The following TMTC3 variants were observed in gnomAD, a reference collection of about 807,000 sequenced individuals.
TMTC3 encodes the protein protein O-mannosyl-transferase TMTC3.
Under a neutral mutation model 92.2 loss-of-function variants are expected in TMTC3, and 52 were observed. That is an observed-to-expected ratio of 0.56 (90% CI 0.45 to 0.71). TMTC3 has a LOEUF of 0.71. Among genes scored for constraint, TMTC3 ranks in the 30% least tolerant of loss-of-function variants. The pLI, the probability that TMTC3 is intolerant of heterozygous loss-of-function variation, is 0.00. For missense variants in TMTC3, 896 were observed against 1,057.1 expected, an observed-to-expected ratio of 0.85 and a Z score of 2.11; for synonymous variants, 339 against 363.3, an observed-to-expected ratio of 0.93 and a Z score of 0.76.
At chr12:88,156,884 A>AT (rs939890956) in intron 4 of TMTC3, among the ~76,000 whole-genome samples, 2 of 132,978 alleles carry the variant, frequency 1.5e-5, no homozygotes, top group Non-Finnish European at 3.3e-5. Context: ...TCTAGGGTTG[A>AT]TTTTTGGGGA....
Position 88,199,376 on chromosome 12 carries a change from G to T in TMTC3, c.*3727G>T, listed in dbSNP as rs1051070733. The T allele has an allele frequency of 6.7e-6, 1 of 149,214 alleles. No homozygotes were observed. Among genetic ancestry groups the T allele is most frequent in the Non-Finnish European group, 1.5e-5 (1 of 67,816 alleles). 9.2% of individuals were successfully genotyped at this position (149,214 alleles called of 1,614,324 possible). On this transcript the variant is annotated 3_prime_UTR_variant, in exon 14 of 14. Transcript: ENST00000266712. ...GTGAAGAGGATTTATATATTTATAT[G>T]ATATATTGTATATATTAATATATTT...
chr12:88,155,017 A>G (rs776660938), intron 4 of TMTC3, among the ~76,000 whole-genome samples: 8 of 152,220 alleles, frequency 5.3e-5, no homozygotes, highest in Non-Finnish European at 1.2e-4. Context: ...CAAGGTACTC[A>G]TGACAAGAAG....
chr12:88,173,054 TA>T, intron 8 of TMTC3: 1 of 1,313,848 alleles, frequency 7.6e-7, no homozygotes, highest in Non-Finnish European at 9.9e-7. Flanking sequence ...GCCACTTCCA[TA>T]TTCAGTGAAC....
In TMTC3 at chr12:88,160,845, T is replaced by G. The variant is rs753670426; in HGVS notation, c.791T>G (p.Phe264Cys). 1 of 1,591,414 alleles carries G rather than the reference T, an allele frequency of 6.3e-7. No homozygotes were observed. Among genetic ancestry groups the G allele is most frequent in the Admixed American group, 1.8e-5 (1 of 56,070 alleles). ...GTTATTCAATCCCAACTTCCAGTAT[T>G]CACCAGGTATGAAATTCTGGTTCTT... The part of the protein sequence containing the change: ...VQVIQSQLPV[F>C]TRFDNPAAVS... Residue 264 changes from phenylalanine to cysteine, a missense_variant, in exon 6 of 14, where the codon TTC (phenylalanine) becomes TGC (cysteine). By Grantham distance (205) the Phe-to-Cys change is radical (BLOSUM62 -2). Transcript: ENST00000266712.
At position 88,190,496 on chromosome 12, in the gene TMTC3, A is replaced by G. The variant is rs1253532977; in HGVS notation, c.1580A>G (p.His527Arg). Residue 527 changes from histidine to arginine, a missense_variant, in exon 12 of 14, where the codon CAC becomes CGC. His to Arg is a conservative substitution (Grantham distance 29). Transcript: ENST00000266712. Reference protein sequence around the residue: ...KKYAARIAPNHLNVYINLANL... With the variant: ...KKYAARIAPNRLNVYINLANL... ...TATGCAGCCAGAATTGCCCCTAACCACCTAAATGTTTATATCAATCTGGCT... is the reference window on the plus strand; with the variant it reads ...TATGCAGCCAGAATTGCCCCTAACCGCCTAAATGTTTATATCAATCTGGCT... 6.2e-7 allele frequency: 1 copy of G among 1,613,606 alleles called. No individual in the cohort carries two copies. Among genetic ancestry groups the G allele is most frequent in the Non-Finnish European group, 8.5e-7 (1 of 1,179,804 alleles).
chr12:88,176,481 A>G (rs2138414560), intron 10 of TMTC3, among the ~76,000 whole-genome samples, 162 bp downstream of exon 10: 1 of 152,298 alleles, frequency 6.6e-6, no homozygotes, highest in Non-Finnish European at 1.5e-5. Context: ...CAGCCACTTA[A>G]TATCAGACTC....
At chr12:88,194,812 AT>A in intron 13 of TMTC3, 25 bp from the exon 14 acceptor site, 1 of 1,405,402 alleles carries the variant, frequency 7.1e-7, no homozygotes, top group Admixed American at 2.4e-5. Flanking sequence ...TTAACAATAT[AT>A]TTTTTCTTTA....
intron 10 of TMTC3, among the ~76,000 whole-genome samples, chr12:88,187,888 A>G (rs2041396872): frequency 6.6e-6 from 1 of 152,154 alleles, no homozygotes; most frequent in Non-Finnish European, 1.5e-5. Context: ...TCCTTCTATC[A>G]TTATTCCAAA....
At chr12:88,159,945 G>A (rs539723997) in intron 4 of TMTC3, among the ~76,000 whole-genome samples, 169 bp from the exon 5 acceptor site, 1 of 152,008 alleles carries the variant, frequency 6.6e-6, no homozygotes, top group East Asian at 1.9e-4. Context: ...ATTTTGCTTT[G>A]AATGTATAAA....
chr12:88,166,895 A>G (rs2041149480), intron 7 of TMTC3, among the ~76,000 whole-genome samples: 1 of 152,072 alleles, frequency 6.6e-6, no homozygotes, highest in Non-Finnish European at 1.5e-5. Context: ...ATATACAACT[A>G]GAAATATAGA....
intron 10 of TMTC3, among the ~76,000 whole-genome samples, chr12:88,185,897 A>T (rs1184996967): frequency 2.0e-5 from 3 of 152,156 alleles, no homozygotes; most frequent in Non-Finnish European, 2.9e-5. Flanking sequence ...ACACAATTTG[A>T]TTGTGACTTA....
chr12:88,184,087 C>T (rs1306427478), intron 10 of TMTC3, among the ~76,000 whole-genome samples: 1 of 152,156 alleles, frequency 6.6e-6, no homozygotes, highest in Non-Finnish European at 1.5e-5. Flanking sequence ...AAGAAGTACA[C>T]TGACACAGGA....
chr12:88,179,445 T>G (rs944602107), intron 10 of TMTC3, among the ~76,000 whole-genome samples: 3 of 152,216 alleles, frequency 2.0e-5, no homozygotes, highest in African/African-American at 7.2e-5. Flanking sequence ...TCCATTCTTT[T>G]GTATGGGTTA....
rs2041516121 is a variant in TMTC3, at chr12:88,196,637, A to G, written c.*988A>G. 1 of 151,942 alleles carries G rather than the reference A, an allele frequency of 6.6e-6. No homozygotes were observed. The highest frequency in any genetic ancestry group is 1.5e-5 in the Non-Finnish European group (1 of 67,870). 9.4% of individuals were successfully genotyped at this position (151,942 alleles called of 1,614,324 possible). A position where few individuals can be genotyped will look rare whatever the true frequency, so the allele number is the denominator to read the frequency against. On this transcript the variant is annotated 3_prime_UTR_variant, in exon 14 of 14. Coordinates refer to ENST00000266712, the MANE Select transcript of TMTC3 (RefSeq NM_181783.4). Reference sequence around the variant, plus strand: ...GTTCTGTTTGACTGAAAGCAAAACAACGTGACAGTTTATTTTCAAACACTA... The same window carrying G: ...GTTCTGTTTGACTGAAAGCAAAACAGCGTGACAGTTTATTTTCAAACACTA...
chr12:88,160,613 C>G, intron 5 of TMTC3, 66 bp from the exon 6 acceptor site: 1 of 1,369,828 alleles, frequency 7.3e-7, no homozygotes, highest in East Asian at 2.3e-5. Flanking sequence ...TTAGAAAGTA[C>G]TACAGTATTG....
chr12:88,153,749 A>ATT (rs1218321760), intron 3 of TMTC3, among the ~76,000 whole-genome samples: 2 of 152,070 alleles, frequency 1.3e-5, no homozygotes, highest in Non-Finnish European at 2.9e-5. Context: ...TTCATTCAAT[A>ATT]ATATAAAATC....
chr12:88,162,919 CT>C (rs11394668), intron 6 of TMTC3, among the ~76,000 whole-genome samples: 7 of 145,566 alleles, frequency 4.8e-5, no homozygotes, highest in Non-Finnish European at 4.5e-5. Context: ...TTTCTTTCTT[CT>C]TTTTTTTTTT....
At chr12:88,193,075 T>C (rs930369376) in intron 13 of TMTC3, among the ~76,000 whole-genome samples, 4 of 152,168 alleles carry the variant, frequency 2.6e-5, no homozygotes, top group African/African-American at 9.6e-5. Flanking sequence ...GACTAATTTT[T>C]CAGGCAGTCT....
chr12:88,170,561 T>G (rs967174133), intron 7 of TMTC3, among the ~76,000 whole-genome samples: 2 of 152,198 alleles, frequency 1.3e-5, no homozygotes, highest in African/African-American at 2.4e-5. Flanking sequence ...TCAGATTCAG[T>G]GTTGCCTTAT....
Sources: allele counts gnomAD v4.1 joint callset (sites outside exome capture counted in the v4.1 genomes callset), GRCh38; gene constraint gnomAD v4.1.1; transcripts MANE v1.5; gene names NCBI Gene and HGNC (gene_info 2026-07-23, HGNC 2026-07-21).